Variants in GLIPR2 observed in about 807,000 individuals in gnomAD.
GLIPR2 encodes Golgi-associated plant pathogenesis-related protein 1.
GLIPR2 carries 21 observed loss-of-function variants against 20.4 expected under a neutral mutation model. The observed-to-expected ratio is 1.03, with a 90% CI of 0.73 to 1.48. The LOEUF is 1.48. Ranked by LOEUF, GLIPR2 falls within the 40% of genes most tolerant of loss-of-function variation. The pLI is 0.00. For missense variants in GLIPR2, 205 were observed against 200.1 expected, an observed-to-expected ratio of 1.02 and a Z score of -0.15; for synonymous variants, 91 against 80.5, an observed-to-expected ratio of 1.13 and a Z score of -0.70.
At chr9:36,151,797 C>T (rs1049889159) in intron 4 of GLIPR2, among the ~76,000 whole-genome samples, 2 of 152,302 alleles carry the variant, frequency 1.3e-5, no homozygotes, top group Admixed American at 6.5e-5. Context: ...TTGCTGGGCT[C>T]ACCAGGCTCC....
At chr9:36,142,748 G>A (rs1398220614) in intron 1 of GLIPR2, among the ~76,000 whole-genome samples, 2 of 152,086 alleles carry the variant, frequency 1.3e-5, no homozygotes, top group African/African-American at 4.8e-5. Flanking sequence ...GTTTTTCTCG[G>A]TGGGGGTAGG....
intron 1 of GLIPR2, chr9:36,145,041 G>A (rs1825263730): frequency 6.6e-6 from 1 of 152,362 alleles, no homozygotes; most frequent in East Asian, 1.9e-4. Flanking sequence ...CACCAGTGAA[G>A]GTGAGCTGGG....
chr9:36,139,407 G>T (rs373191279), intron 1 of GLIPR2, among the ~76,000 whole-genome samples: 1 of 151,942 alleles, frequency 6.6e-6, no homozygotes, highest in Admixed American at 6.6e-5. Flanking sequence ...CACCCCAACC[G>T]GAAAACCGAG....
intron 4 of GLIPR2, among the ~76,000 whole-genome samples, chr9:36,159,326 A>C (rs141657310): frequency 1.3e-5 from 2 of 152,306 alleles, no homozygotes; most frequent in East Asian, 3.9e-4. Flanking sequence ...CGAGGCTGTA[A>C]TGTGTCGAAG....
intron 4 of GLIPR2, 183 bp downstream of exon 4, chr9:36,151,132 A>T (rs1825566381): frequency 1.7e-6 from 1 of 601,590 alleles, no homozygotes; most frequent in Admixed American, 2.7e-5. Context: ...TTACATCCCC[A>T]GCTTCCCCAT....
At chr9:36,154,834 A>T (rs1825762324) in intron 4 of GLIPR2, among the ~76,000 whole-genome samples, 2 of 152,144 alleles carry the variant, frequency 1.3e-5, no homozygotes, top group South Asian at 4.1e-4. Context: ...CTTTGTGTCT[A>T]ATTATTTTCT....
intron 4 of GLIPR2, among the ~76,000 whole-genome samples, chr9:36,152,570 T>C (rs1825633021): frequency 6.6e-6 from 1 of 151,422 alleles, no homozygotes; most frequent in South Asian, 2.1e-4. Context: ...GCCAACATGG[T>C]GAAACCCCGT....
chr9:36,162,223 C>A lies in GLIPR2; in HGVS notation c.305-139C>A, dbSNP rs368764597. 109 of 1,572,112 alleles carry A rather than the reference C, an allele frequency of 6.9e-5. No individual in the cohort carries two copies. The African/African-American group carries it at 1.1e-3, about 16-fold the overall frequency. ...CAGTCAGAGTGTTTTCTCTCTCCTT[C>A]CCCTGCAGGGGGTCTGTGAAGACCA... On this transcript the variant is annotated intron_variant, in intron 4 of 4. Transcript: ENST00000377960.
chr9:36,141,875 C>T (rs1473983713), intron 1 of GLIPR2: 1 of 455,372 alleles, frequency 2.2e-6, no homozygotes, highest in East Asian at 7.0e-5. Context: ...GCGGTAGAGG[C>T]CTGGCCTCCA....
intron 4 of GLIPR2, among the ~76,000 whole-genome samples, chr9:36,159,925 T>G (rs960634916): frequency 1.3e-5 from 2 of 152,122 alleles, no homozygotes; most frequent in Non-Finnish European, 2.9e-5. Flanking sequence ...GAGATCACGC[T>G]ACTGTACTCC....
chr9:36,151,982 T>C (rs1269197549), intron 4 of GLIPR2, among the ~76,000 whole-genome samples: 1 of 152,110 alleles, frequency 6.6e-6, no homozygotes, highest in Non-Finnish European at 1.5e-5. Flanking sequence ...CCTTCCACCC[T>C]CTAGAGGGGT....
At chr9:36,154,339 T>C (rs1202252717) in intron 4 of GLIPR2, among the ~76,000 whole-genome samples, 1 of 152,126 alleles carries the variant, frequency 6.6e-6, no homozygotes. Flanking sequence ...ACCAATTTCC[T>C]GTGAATCATT....
rs373347078 is a variant in GLIPR2 at position 36,162,330 on chromosome 9, G to T, written c.305-32G>T. ...TTCTTCAGGCTCTGCTAATTCAGCC[G>T]TGTCCCTCTCCCTCTGCCCGTTCCC... On this transcript the variant is annotated intron_variant, in intron 4 of 4. Coordinates refer to ENST00000377960, the MANE Select transcript of GLIPR2 (RefSeq NM_022343.4). The T allele has an allele frequency of 1.7e-5, 28 of 1,602,036 alleles. No individual in the cohort carries two copies. In the African/African-American group the frequency reaches 2.7e-4, roughly 15 times the overall value.
chr9:36,143,845 ATCTT>A (rs774711163), intron 1 of GLIPR2, among the ~76,000 whole-genome samples: 1 of 152,126 alleles, frequency 6.6e-6, no homozygotes, highest in Non-Finnish European at 1.5e-5. Context: ...ACTAGGAAAG[ATCTT>A]TCTTAGGCTG....
intron 1 of GLIPR2, among the ~76,000 whole-genome samples, chr9:36,147,210 G>A (rs748437317): frequency 2.8e-4 from 43 of 152,002 alleles, no homozygotes; most frequent in African/African-American, 3.1e-4. Flanking sequence ...TCCTTCCCTC[G>A]TCTCTTTGTC....
At chr9:36,150,343 A>G (rs1051225573) in intron 3 of GLIPR2, among the ~76,000 whole-genome samples, 5 of 152,282 alleles carry the variant, frequency 3.3e-5, no homozygotes, top group Middle Eastern at 6.8e-3. Flanking sequence ...ACGCCTGCCC[A>G]TATCAACACG....
intron 4 of GLIPR2, among the ~76,000 whole-genome samples, chr9:36,155,044 G>A (rs1021434531): frequency 1.3e-5 from 2 of 152,152 alleles, no homozygotes; most frequent in South Asian, 4.1e-4. Flanking sequence ...AAGAACCAAG[G>A]GCAAATAGGC....
intron 1 of GLIPR2, among the ~76,000 whole-genome samples, chr9:36,147,271 C>G (rs1825368746): frequency 6.6e-6 from 1 of 152,210 alleles, no homozygotes; most frequent in South Asian, 2.1e-4. Flanking sequence ...GCCCTCCTCC[C>G]CAGCCAGGAG....
intron 4 of GLIPR2, 37 bp downstream of exon 4, chr9:36,150,986 G>A (rs1385510070): frequency 7.1e-7 from 1 of 1,415,248 alleles, no homozygotes; most frequent in Admixed American, 1.7e-5. Context: ...CTGGCCCTGG[G>A]CAGCAATGCA....
Sources: gnomAD v4.1 joint callset for allele counts (sites outside exome capture counted in the v4.1 genomes callset) on GRCh38, gnomAD v4.1.1 for gene constraint, MANE v1.5 for transcripts, NCBI Gene and HGNC (gene_info 2026-07-23, HGNC 2026-07-21) for gene names.